The following COX7A2L variants were observed in gnomAD, a reference collection of about 807,000 sequenced individuals.
COX7A2L encodes cytochrome c oxidase subunit 7A2-like, mitochondrial.
COX7A2L carries 18 observed loss-of-function variants against 14.2 expected under a neutral mutation model. The ratio of observed to expected loss-of-function variants is 1.27; its 90% CI spans 0.88 to 1.88. The LOEUF (loss-of-function observed/expected upper bound fraction) is 1.88. Among genes scored for constraint, COX7A2L ranks in the 40% most tolerant of loss-of-function variants. The pLI is 0.00. For missense variants in COX7A2L, 179 were observed against 138.8 expected, an observed-to-expected ratio of 1.29 and a Z score of -1.46; for synonymous variants, 65 against 57.4, an observed-to-expected ratio of 1.13 and a Z score of -0.60.
intron 2 of COX7A2L, among the ~76,000 whole-genome samples, chr2:42,352,567 C>G (rs552287188): frequency 2.0e-5 from 3 of 152,294 alleles, no homozygotes; most frequent in African/African-American, 4.8e-5. Context: ...AACAAAAGTG[C>G]TCTATCCTCA....
intron 1 of COX7A2L, chr2:42,359,627 A>G (rs1670951533): frequency 6.6e-6 from 1 of 152,138 alleles, no homozygotes; most frequent in South Asian, 2.1e-4. Context: ...TTCTTTAAAC[A>G]CATTCTCCTT....
downstream of COX7A2L, among the ~76,000 whole-genome samples, chr2:42,344,564 C>T (rs1398185130): frequency 6.6e-6 from 1 of 152,180 alleles, no homozygotes; most frequent in African/African-American, 2.4e-5. Flanking sequence ...TCTTAGAATG[C>T]GTCGCAGGCC....
downstream of COX7A2L, among the ~76,000 whole-genome samples, chr2:42,346,067 C>A (rs535518042): frequency 1.4e-4 from 22 of 152,170 alleles, no homozygotes; most frequent in Non-Finnish European, 7.3e-5. Flanking sequence ...GGGCAGCCTG[C>A]ACTCCTTCCC....
intron 2 of COX7A2L, 165 bp downstream of exon 2, chr2:42,353,047 A>C: frequency 1.3e-6 from 1 of 789,406 alleles, no homozygotes; most frequent in East Asian, 2.7e-5. Flanking sequence ...GTATCTACCT[A>C]TATAAAGTTC....
Position 42,339,080 on chromosome 2 carries a change from C to T in COX7A2L, c.193-5211G>A, listed in dbSNP as rs776495578. ...TGTGAGGAAACCCTGCAGATGGCTC[C>T]GTTAATAAAGCTGCCGTTCACCATG... is the stretch of plus-strand genomic sequence containing the variant. On this transcript the variant is annotated intron_variant, in intron 2 of 2. Transcript: ENST00000468711. The surrounding 1 kb of genome is among the most constrained non-coding windows in gnomAD (Gnocchi z 5.4). Among the ~76,000 whole-genome samples, 3 of 152,144 alleles carry T rather than the reference C, an allele frequency of 2.0e-5. No homozygotes were observed. Among genetic ancestry groups the T allele is most frequent in the African/African-American group, 4.8e-5 (2 of 41,426 alleles).
At chr2:42,348,772 G>A, downstream of COX7A2L, among the ~76,000 whole-genome samples, 1 of 152,090 alleles carries the variant, frequency 6.6e-6, no homozygotes, top group East Asian at 1.9e-4. Context: ...CAAACAATTA[G>A]CTGGGCATGG....
At position 42,338,861 on chromosome 2, in the gene COX7A2L, A is replaced by ACT. The variant is rs1670342632; in HGVS notation, c.193-4993_193-4992insAG. ...CCATCTCCCATGTCTAGAAAGGAAA[A>ACT]AGAGAAGATGAAGGCCTTGCCCACA... is the stretch of plus-strand genomic sequence containing the variant. On this transcript the variant is annotated intron_variant, in intron 2 of 2. Coordinates refer to the COX7A2L transcript ENST00000468711. This position sits in a 1 kb window ranked among gnomAD's most constrained non-coding sequence, Gnocchi z 4.4. 6.6e-6 allele frequency among the ~76,000 whole-genome samples: 1 copy of ACT among 152,188 alleles called. No homozygotes were observed. The highest frequency in any genetic ancestry group is 1.9e-4 in the East Asian group (1 of 5,194).
downstream of COX7A2L, among the ~76,000 whole-genome samples, chr2:42,349,136 A>G (rs1025339318): frequency 6.6e-6 from 1 of 152,214 alleles, no homozygotes; most frequent in African/African-American, 2.4e-5. Flanking sequence ...AAATGAAAAC[A>G]TATGTCCATG....
chr2:42,346,749 GAC>G (rs1670504900), downstream of COX7A2L, among the ~76,000 whole-genome samples: 1 of 151,062 alleles, frequency 6.6e-6, no homozygotes, highest in African/African-American at 2.4e-5. Flanking sequence ...GACGGAGTGA[GAC>G]CCTGTCTCAA....
upstream of COX7A2L, chr2:42,361,257 G>A (rs1309609014): frequency 3.3e-6 from 4 of 1,209,728 alleles, no homozygotes; most frequent in Non-Finnish European, 1.2e-6. Context: ...CTCAGCGCAA[G>A]GACCCGGTGC....
intron 1 of COX7A2L, among the ~76,000 whole-genome samples, chr2:42,367,340 C>T (rs1385610158): frequency 6.6e-6 from 1 of 152,146 alleles, no homozygotes; most frequent in Admixed American, 6.5e-5. Context: ...CACGTATTAC[C>T]AGGTAGCAAA....
At chr2:42,366,276 A>T (rs768513468) in intron 1 of COX7A2L, among the ~76,000 whole-genome samples, 34 of 152,134 alleles carry the variant, frequency 2.2e-4, no homozygotes, top group Non-Finnish European at 4.3e-4. Flanking sequence ...AAATACAAAA[A>T]TTAGTCGGGC....
chr2:42,361,172 G>C lies in COX7A2L; in HGVS notation c.-11C>G, dbSNP rs779233293. ...AAACTTGTAGTACATGACGCCCAGA[G>C]TCCGGCTTCCCGCATCCGCTGCCAA... is the stretch of plus-strand genomic sequence containing the variant. On this transcript the variant is annotated 5_prime_UTR_variant, in exon 1 of 3. Coordinates refer to ENST00000234301, the MANE Select transcript of COX7A2L (RefSeq NM_004718.4). 1.1e-5 allele frequency: 18 copies of C among 1,604,866 alleles called. No homozygotes were observed. The highest frequency in any genetic ancestry group is 1.5e-5 in the Non-Finnish European group (18 of 1,174,400).
chr2:42,344,367 A>G (rs997573838), downstream of COX7A2L, among the ~76,000 whole-genome samples: 3 of 152,140 alleles, frequency 2.0e-5, no homozygotes, highest in African/African-American at 7.2e-5. Context: ...CATTTACCCT[A>G]CTACAACTTT....
exon 1 of COX7A2L, chr2:42,368,933 C>A (rs188620991): frequency 6.6e-6 from 1 of 152,294 alleles, no homozygotes; most frequent in African/African-American, 2.4e-5. Context: ...CCGTCCATCT[C>A]CCGACCTCCC....
At chr2:42,363,754 T>A (rs1369007021), upstream of COX7A2L, among the ~76,000 whole-genome samples, 1 of 152,210 alleles carries the variant, frequency 6.6e-6, no homozygotes, top group Non-Finnish European at 1.5e-5. Context: ...TCTTTTTTTA[T>A]CACGATCCCT....
intron 1 of COX7A2L, among the ~76,000 whole-genome samples, chr2:42,353,843 C>T (rs1318711169): frequency 2.0e-5 from 3 of 152,098 alleles, no homozygotes; most frequent in Non-Finnish European, 4.4e-5. Context: ...AAAAACTTTT[C>T]GAAATGAACT....
rs1172328501 is a variant in COX7A2L, at chr2:42,352,650, C to T, written c.204+562G>A. 3.3e-5 allele frequency among the ~76,000 whole-genome samples: 5 copies of T among 152,302 alleles called. No individual in the cohort carries two copies. In the South Asian group the frequency reaches 6.2e-4, roughly 19 times the overall value. On this transcript the variant is annotated intron_variant, in intron 2 of 2. Transcript: ENST00000234301. ...ACAGCAATAGCAGTAGCAAGCACTG[C>T]CACTCCCATGGCACCTAAGATTTGG...
chr2:42,349,176 G>A (rs2103883176), downstream of COX7A2L, among the ~76,000 whole-genome samples: 1 of 152,264 alleles, frequency 6.6e-6, no homozygotes, highest in African/African-American at 2.4e-5. Flanking sequence ...GCTCATAGCA[G>A]CATTATTCGT....
Sources: allele counts gnomAD v4.1 joint callset (sites outside exome capture counted in the v4.1 genomes callset), GRCh38; gene constraint gnomAD v4.1.1; non-coding constraint Gnocchi (gnomAD v3.1); transcripts MANE v1.5; gene names NCBI Gene and HGNC (gene_info 2026-07-23, HGNC 2026-07-21).